The following PTPRT variants were observed in gnomAD, a reference collection of about 807,000 sequenced individuals.
PTPRT encodes protein tyrosine phosphatase receptor type T.
A neutral mutation model predicts 176.8 loss-of-function variants in PTPRT; 56 were observed. The observed-to-expected ratio is 0.32, with a 90% confidence interval of 0.26 to 0.40. The LOEUF (loss-of-function observed/expected upper bound fraction) is 0.40. PTPRT is among the 10% of genes least tolerant of loss of function. PTPRT has a pLI of 1.00. For synonymous variants in PTPRT, 783 were observed against 739.0 expected (o/e 1.06, Z -0.96); for missense variants, 1,540 against 1,908.2 (o/e 0.81, Z 3.60).
At chr20:43,129,336 A>T (rs555222532) in intron 1 of PTPRT, among the ~76,000 whole-genome samples, 2 of 152,340 alleles carry the variant, frequency 1.3e-5, no homozygotes, top group South Asian at 4.1e-4. Context: ...CCACGAGGAC[A>T]AGAGTCGAAT....
At chr20:42,537,481 C>T (rs2072497082) in intron 7 of PTPRT, among the ~76,000 whole-genome samples, 2 of 152,098 alleles carry the variant, frequency 1.3e-5, no homozygotes, top group Admixed American at 6.5e-5. Context: ...TTTCATATGA[C>T]ATCTTTCAAC....
chr20:42,931,325 G>A (rs1979834808), intron 1 of PTPRT, among the ~76,000 whole-genome samples: 1 of 152,218 alleles, frequency 6.6e-6, no homozygotes. Context: ...CTTAGGAAAT[G>A]CCAGGTGAGG....
At chr20:42,176,851 C>A (rs1990312866) in intron 16 of PTPRT, among the ~76,000 whole-genome samples, 1 of 152,170 alleles carries the variant, frequency 6.6e-6, no homozygotes, top group South Asian at 2.1e-4. Context: ...TTTAAATGTG[C>A]AACAGATGTT....
At chr20:42,236,381 G>A in intron 14 of PTPRT, 123 bp from the exon 15 acceptor site, 9 of 792,458 alleles carry the variant, frequency 1.1e-5, no homozygotes, top group Non-Finnish European at 1.3e-5. Flanking sequence ...TATTATTTCA[G>A]CATCCCTAAG....
intron 1 of PTPRT, among the ~76,000 whole-genome samples, chr20:43,117,687 C>T (rs1023626354): frequency 2.6e-5 from 4 of 152,150 alleles, no homozygotes; most frequent in Admixed American, 6.5e-5. Flanking sequence ...TGCACTGTAG[C>T]GGCAAGAGTC....
At chr20:42,866,493 G>A (rs1384319541) in intron 2 of PTPRT, among the ~76,000 whole-genome samples, 1 of 151,994 alleles carries the variant, frequency 6.6e-6, no homozygotes, top group East Asian at 1.9e-4. Flanking sequence ...ATTCATGCCT[G>A]ATCAGTTCCC....
intron 15 of PTPRT, among the ~76,000 whole-genome samples, chr20:42,214,770 A>C (rs2146757300): frequency 6.6e-6 from 1 of 152,362 alleles, no homozygotes; most frequent in East Asian, 1.9e-4. Flanking sequence ...AGAAAGCCCG[A>C]AACACAGGTG....
At chr20:42,278,337 A>C (rs1325628024) in intron 13 of PTPRT, among the ~76,000 whole-genome samples, 1 of 151,448 alleles carries the variant, frequency 6.6e-6, no homozygotes, top group Non-Finnish European at 1.5e-5. Flanking sequence ...AGAGAGGGCA[A>C]GATGAGCGAA....
At chr20:42,483,909 C>A (rs952205564) in intron 7 of PTPRT, among the ~76,000 whole-genome samples, 53 of 152,202 alleles carry the variant, frequency 3.5e-4, no homozygotes, top group African/African-American at 1.2e-3. Context: ...AGGGAGCCTG[C>A]GGGGCAGGAG....
intron 6 of PTPRT, among the ~76,000 whole-genome samples, chr20:42,691,015 A>G (rs1048935502): frequency 6.6e-6 from 1 of 151,196 alleles, no homozygotes; most frequent in African/African-American, 2.4e-5. Context: ...GTAATGGGCC[A>G]TTCAGCCCAG....
rs1326274667 is a variant in PTPRT, at chr20:42,504,821, C to G, written c.1154-32259G>C. ...AAAATGCCCTTTCCTTCCTTTCCAG[C>G]CTTTCTTTGAATTTACTGAGTTTTA... On this transcript the variant is annotated intron_variant, in intron 7 of 30. Transcript: ENST00000373187. Among the ~76,000 whole-genome samples, 5 of 152,232 alleles carry G rather than the reference C, an allele frequency of 3.3e-5. No homozygotes were observed. The East Asian group carries it at 5.8e-4, about 18-fold the overall frequency.
At chr20:42,756,328 G>T in intron 6 of PTPRT, 134 bp downstream of exon 6, 1 of 935,322 alleles carries the variant, frequency 1.1e-6, no homozygotes, top group Non-Finnish European at 1.5e-6. Context: ...GTTGGGGAGG[G>T]AGGCCAGAGT....
intron 4 of PTPRT, among the ~76,000 whole-genome samples, chr20:42,775,232 G>A (rs539320041): frequency 1.3e-5 from 2 of 152,324 alleles, no homozygotes; most frequent in South Asian, 4.1e-4. Flanking sequence ...GCCTACAGAT[G>A]TCAGTGCAGC....
intron 15 of PTPRT, among the ~76,000 whole-genome samples, chr20:42,202,554 T>C (rs951303105): frequency 2.6e-4 from 40 of 152,210 alleles, no homozygotes; most frequent in African/African-American, 7.7e-4. Context: ...ATTCTGCTTC[T>C]GATGACATTT....
chr20:43,020,616 C>T (rs561374332), intron 1 of PTPRT, among the ~76,000 whole-genome samples: 1 of 152,246 alleles, frequency 6.6e-6, no homozygotes, highest in South Asian at 2.1e-4. Flanking sequence ...TGCCATGCCC[C>T]ACCACCCTAT....
chr20:42,649,161 G>A (rs1734188830), intron 7 of PTPRT, among the ~76,000 whole-genome samples: 1 of 152,062 alleles, frequency 6.6e-6, no homozygotes, highest in Admixed American at 6.5e-5. Flanking sequence ...CGTGGCTGGG[G>A]AGGCCTCACA....
intron 19 of PTPRT, among the ~76,000 whole-genome samples, chr20:42,128,169 T>A (rs1600559791): frequency 1.3e-5 from 2 of 152,270 alleles, no homozygotes; most frequent in Middle Eastern, 6.8e-3. Flanking sequence ...CCCTCTCCCC[T>A]CTCTTTGATT....
intron 7 of PTPRT, among the ~76,000 whole-genome samples, chr20:42,566,576 TC>T (rs1372348472): frequency 6.6e-6 from 1 of 152,152 alleles, no homozygotes; most frequent in African/African-American, 2.4e-5. Flanking sequence ...TTGCAGGTGT[TC>T]CTCCAGGCAC....
chr20:42,784,499 G>A (rs2077260532), intron 3 of PTPRT, among the ~76,000 whole-genome samples: 1 of 152,168 alleles, frequency 6.6e-6, no homozygotes, highest in African/African-American at 2.4e-5. Flanking sequence ...AGACAAGGAG[G>A]AGGATTTGAT....
Sources: allele counts gnomAD v4.1 joint callset (sites outside exome capture counted in the v4.1 genomes callset), GRCh38; gene constraint gnomAD v4.1.1; transcripts MANE v1.5; gene names NCBI Gene and HGNC (gene_info 2026-07-23, HGNC 2026-07-21).